Variants in RIN2 observed in about 807,000 individuals in gnomAD.
RIN2 encodes RAB5 interacting protein 2.
In RIN2, 36 loss-of-function variants were observed where a neutral mutation model predicts 78.0. That is an observed-to-expected ratio of 0.46 (90% CI 0.35 to 0.61). The LOEUF is 0.61. Ranked by LOEUF, RIN2 falls within the 20% of genes least tolerant of loss-of-function variation. RIN2 has a pLI of 0.00. For missense variants in RIN2, 1,087 were observed against 1,159.7 expected (o/e 0.94, Z 0.91); for synonymous variants, 466 against 466.8 (o/e 1.00, Z 0.02).
chr20:19,836,386 A>G lies in RIN2; in HGVS notation c.-37+36639A>G, dbSNP rs556467585. Among the ~76,000 whole-genome samples the G allele has an allele frequency of 6.6e-5, 10 of 152,348 alleles. No individual in the cohort carries two copies. In the South Asian group the frequency reaches 1.9e-3, roughly 28 times the overall value. Reference sequence around the variant, plus strand: ...TAAAGGATTAATCCTCAATTTCCACATTAGTAACTTAAATATTAGAGCATG... The same window carrying G: ...TAAAGGATTAATCCTCAATTTCCACGTTAGTAACTTAAATATTAGAGCATG... On this transcript the variant is annotated intron_variant, in intron 2 of 12. Transcript: ENST00000255006.
intron 1 of RIN2, among the ~76,000 whole-genome samples, chr20:19,796,717 C>A (rs1159720970): frequency 6.6e-6 from 1 of 152,198 alleles, no homozygotes; most frequent in Non-Finnish European, 1.5e-5. Flanking sequence ...GGGATGTACT[C>A]TGGGCTTGGA....
intron 2 of RIN2, among the ~76,000 whole-genome samples, chr20:19,816,785 G>C (rs1484234708): frequency 6.6e-6 from 1 of 152,180 alleles, no homozygotes; most frequent in Non-Finnish European, 1.5e-5. Flanking sequence ...GTTGAGACAA[G>C]AGGACATTGA....
chr20:19,759,129 G>A (rs552944011), intron 1 of RIN2, among the ~76,000 whole-genome samples: 1 of 152,328 alleles, frequency 6.6e-6, no homozygotes, highest in East Asian at 1.9e-4. Context: ...TCGACCGCGC[G>A]GGGACAGCAG....
intron 1 of RIN2, among the ~76,000 whole-genome samples, chr20:19,791,660 A>C (rs2034893011): frequency 6.6e-6 from 1 of 152,256 alleles, no homozygotes; most frequent in Non-Finnish European, 1.5e-5. Flanking sequence ...GGAATGAAAA[A>C]TATAACAAAT....
chr20:19,996,574 G>A, intron 11 of RIN2, 105 bp from the exon 12 acceptor site: 2 of 1,177,360 alleles, frequency 1.7e-6, no homozygotes, highest in Non-Finnish European at 1.2e-6. Flanking sequence ...GCATGTTGAA[G>A]AAATACTAAA....
intron 2 of RIN2, chr20:19,823,307 G>A (rs1484661696): frequency 3.4e-6 from 2 of 588,094 alleles, no homozygotes; most frequent in African/African-American, 3.7e-5. Flanking sequence ...GGGACTGAAT[G>A]AAGTTCTCAT....
intron 2 of RIN2, among the ~76,000 whole-genome samples, chr20:19,861,996 A>G (rs2037357988): frequency 6.8e-6 from 1 of 148,136 alleles, no homozygotes; most frequent in Non-Finnish European, 1.5e-5. Flanking sequence ...TCCATATCTG[A>G]TGATCACCCT....
intron 2 of RIN2, among the ~76,000 whole-genome samples, chr20:19,844,926 C>T (rs371994699): frequency 6.6e-6 from 1 of 151,900 alleles, no homozygotes; most frequent in Non-Finnish European, 1.5e-5. Flanking sequence ...ATGTTCCCCT[C>T]CCTGTGTCCA....
intron 1 of RIN2, among the ~76,000 whole-genome samples, chr20:19,776,638 G>C (rs2034320477): frequency 6.6e-6 from 1 of 151,864 alleles, no homozygotes; most frequent in African/African-American, 2.4e-5. Flanking sequence ...AGGCTGAGGT[G>C]GAAGAATTGC....
chr20:19,858,763 G>A (rs1020685351), intron 2 of RIN2, among the ~76,000 whole-genome samples: 2 of 152,124 alleles, frequency 1.3e-5, no homozygotes, highest in Non-Finnish European at 2.9e-5. Context: ...TACTAAAGAT[G>A]TCAATAATTC....
At chr20:19,801,000 G>T (rs1293323481) in intron 2 of RIN2, among the ~76,000 whole-genome samples, 1 of 152,174 alleles carries the variant, frequency 6.6e-6, no homozygotes, top group African/African-American at 2.4e-5. Flanking sequence ...TGGGAGCTGG[G>T]CCTTCGCTGC....
At chr20:19,998,552 A>G (rs1459365651) in intron 12 of RIN2, among the ~76,000 whole-genome samples, 16 of 152,192 alleles carry the variant, frequency 1.1e-4, no homozygotes. Context: ...TTGAGGCTAC[A>G]GTGAGCCATG....
In RIN2 at chr20:19,812,899, C is replaced by T. The variant is rs75039912; in HGVS notation, c.-37+13152C>T. Among the ~76,000 whole-genome samples the T allele has an allele frequency of 5.9e-3, 902 of 152,340 alleles. 10 individuals carry two copies. Among genetic ancestry groups the T allele is most frequent in the African/African-American group, 0.021 (854 of 41,564 alleles). ...AAGACATGAGAGTACTCATGATTATCTTCCTTTCTTTGGTTACTGCAGAAG... is the reference window on the plus strand; with the variant it reads ...AAGACATGAGAGTACTCATGATTATTTTCCTTTCTTTGGTTACTGCAGAAG... On this transcript the variant is annotated intron_variant, in intron 2 of 12. Transcript: ENST00000255006.
intron 3 of RIN2, among the ~76,000 whole-genome samples, chr20:19,934,198 G>A (rs2040544378): frequency 6.6e-6 from 1 of 152,200 alleles, no homozygotes. Flanking sequence ...AAATTAAAAT[G>A]AAGGAATTTA....
At chr20:19,876,972 T>G (rs1286494373) in intron 2 of RIN2, among the ~76,000 whole-genome samples, 2 of 152,088 alleles carry the variant, frequency 1.3e-5, no homozygotes, top group East Asian at 3.9e-4. Context: ...GCATTCATTC[T>G]TTTACAGCCA....
chr20:19,994,527 C>A (rs1206410850), intron 11 of RIN2, among the ~76,000 whole-genome samples: 1 of 152,194 alleles, frequency 6.6e-6, no homozygotes, highest in East Asian at 1.9e-4. Flanking sequence ...CCACATGTTT[C>A]AAAGTGTGGT....
Position 19,859,354 on chromosome 20 carries a change from A to G in RIN2, c.-36-30212A>G, listed in dbSNP as rs115092941. Among the ~76,000 whole-genome samples, 233 of 152,338 alleles carry G rather than the reference A, an allele frequency of 1.5e-3. 3 individuals are homozygous for G. Among genetic ancestry groups the G allele is most frequent in the African/African-American group, 5.5e-3 (230 of 41,576 alleles). On this transcript the variant is annotated intron_variant, in intron 2 of 12. Coordinates refer to ENST00000255006, the MANE Select transcript of RIN2 (RefSeq NM_018993.4). ...TCCTGGTTCTAATCCTGACTCTACC[A>G]CTTATTAATTGTGTAACATTAGGCA...
chr20:19,764,899 G>A (rs1406737241), intron 1 of RIN2, among the ~76,000 whole-genome samples: 1 of 123,366 alleles, frequency 8.1e-6, no homozygotes, highest in Non-Finnish European at 1.6e-5. Flanking sequence ...GGAAGGGCAA[G>A]TCCCACTTCA....
At chr20:19,900,464 CAG>C (rs1187540898) in intron 3 of RIN2, among the ~76,000 whole-genome samples, 1 of 151,422 alleles carries the variant, frequency 6.6e-6, no homozygotes, top group Admixed American at 6.6e-5. Flanking sequence ...GCCTGGGCAA[CAG>C]AGTCTCAAAA....
Sources: gnomAD v4.1 joint callset for allele counts (sites outside exome capture counted in the v4.1 genomes callset) on GRCh38, gnomAD v4.1.1 for gene constraint, MANE v1.5 for transcripts, NCBI Gene and HGNC (gene_info 2026-07-23, HGNC 2026-07-21) for gene names.